Variants in RELN observed in about 807,000 individuals in gnomAD.
RELN encodes reelin.
A neutral mutation model predicts 427.6 loss-of-function variants in RELN; 108 were observed. The observed-to-expected ratio is 0.25, with a 90% CI of 0.22 to 0.30. The LOEUF (loss-of-function observed/expected upper bound fraction) is 0.30, where lower values mean the gene tolerates loss of function less well. RELN is among the 10% of genes least tolerant of loss of function. RELN has a pLI of 1.00. For missense variants in RELN, 3,715 were observed against 4,302.8 expected (o/e 0.86, Z 3.82); for synonymous variants, 1,524 against 1,513.4 (o/e 1.01, Z -0.16).
chr7:103,870,094 CA>C (rs1184618171), intron 2 of RELN, among the ~76,000 whole-genome samples: 26 of 152,142 alleles, frequency 1.7e-4, no homozygotes, highest in Admixed American at 9.2e-4. Flanking sequence ...TTTTTTATTA[CA>C]GTTTATTTTT....
At chr7:103,825,230 G>T (rs1307990431) in intron 3 of RELN, among the ~76,000 whole-genome samples, 1 of 152,016 alleles carries the variant, frequency 6.6e-6, no homozygotes, top group Non-Finnish European at 1.5e-5. Flanking sequence ...AAATCTTGTA[G>T]CAGGGAAGTG....
intron 45 of RELN, among the ~76,000 whole-genome samples, chr7:103,536,672 G>C (rs1019031380): frequency 6.6e-6 from 1 of 152,206 alleles, no homozygotes; most frequent in Non-Finnish European, 1.5e-5. Flanking sequence ...TTCTTGAAAT[G>C]TTCTTTTATT....
In RELN at chr7:103,539,232, G is replaced by A. The variant is rs768355148; in HGVS notation, c.7026C>T (p.Thr2342=). The change falls in exon 45 of 65, where the codon ACC becomes ACT. Residue 2342 remains threonine, a synonymous_variant. Transcript: ENST00000428762. ...CAGTAGAGCCACACACGGGCATCTTGGTGCCTCCTGGGTGAAGCAGCCATT... is the reference window on the plus strand; with the variant it reads ...CAGTAGAGCCACACACGGGCATCTTAGTGCCTCCTGGGTGAAGCAGCCATT... ...SRKWLLHPGG[T]KMPVCGSTGD... The A allele has an allele frequency of 6.2e-7, 1 of 1,614,232 alleles. No individual in the cohort carries two copies. The highest frequency in any genetic ancestry group is 1.1e-5 in the South Asian group (1 of 91,082).
At chr7:103,736,134 G>T (rs551757976) in intron 6 of RELN, among the ~76,000 whole-genome samples, 1 of 152,118 alleles carries the variant, frequency 6.6e-6, no homozygotes, top group African/African-American at 2.4e-5. Flanking sequence ...AGACCTTGCC[G>T]GCCATTTGGT....
Position 103,556,988 on chromosome 7 carries a change from G to C in RELN, c.5786C>G (p.Pro1929Arg), listed in dbSNP as rs749762422. The part of the protein sequence containing the change: ...TNATRFRLWQ[P>R]YNNGKKEEIW... Reference sequence around the variant, plus strand: ...ACATGCATTTTTACCGTTATTATAAGGTTGCCAGAGTCTGAATCTTGTAGC... The same window carrying C: ...ACATGCATTTTTACCGTTATTATAACGTTGCCAGAGTCTGAATCTTGTAGC... The change falls in exon 38 of 65, where the codon CCT becomes CGT. Residue 1929 changes from proline to arginine, a missense_variant. Around this residue, in one of 4 missense-constraint regions of RELN, gnomAD observed 1,310 missense variants for 1,643.0 expected, o/e 0.80. Transcript: ENST00000428762. The C allele has an allele frequency of 6.2e-7, 1 of 1,611,764 alleles. No individual in the cohort carries two copies. The highest frequency in any genetic ancestry group is 1.1e-5 in the South Asian group (1 of 91,030).
intron 1 of RELN, among the ~76,000 whole-genome samples, chr7:103,945,826 A>G (rs546990768): frequency 1.4e-4 from 21 of 152,166 alleles, no homozygotes; most frequent in African/African-American, 5.1e-4. Flanking sequence ...ACAAACATTT[A>G]CCATTATGTT....
intron 1 of RELN, among the ~76,000 whole-genome samples, chr7:103,931,652 C>T (rs1178220307): frequency 1.3e-5 from 2 of 152,224 alleles, no homozygotes; most frequent in Non-Finnish European, 2.9e-5. Context: ...TTCTATCTTG[C>T]TTTCCTGCCA....
chr7:103,770,860 G>A (rs986567448), intron 4 of RELN, among the ~76,000 whole-genome samples: 3 of 150,968 alleles, frequency 2.0e-5, no homozygotes, highest in African/African-American at 7.3e-5. Context: ...GCCTCAGGTG[G>A]TCTCGCCTCA....
chr7:103,868,318 C>T (rs969526286), intron 2 of RELN, among the ~76,000 whole-genome samples: 1 of 152,082 alleles, frequency 6.6e-6, no homozygotes, highest in African/African-American at 2.4e-5. Flanking sequence ...TTTTAGGCTT[C>T]CCAAACTCTA....
intron 1 of RELN, among the ~76,000 whole-genome samples, chr7:103,937,661 C>T (rs1271163130): frequency 1.3e-5 from 2 of 152,178 alleles, no homozygotes; most frequent in Non-Finnish European, 2.9e-5. Context: ...TCCAGGTACT[C>T]TCAACAACAC....
intron 16 of RELN, among the ~76,000 whole-genome samples, chr7:103,649,469 C>T (rs10953389): frequency 0.25 from 38,020 of 151,750 alleles, 4,863 homozygotes; most frequent in Middle Eastern, 0.41. Flanking sequence ...TGATAAATTA[C>T]GTTGTACTCT....
rs921958370 is a variant in RELN at position 103,989,054 on chromosome 7, A to T, written c.226+77T>A. 7.5e-7 allele frequency: 1 copy of T among 1,325,044 alleles called. No homozygotes were observed. Among genetic ancestry groups the T allele is most frequent in the Non-Finnish European group, 1.1e-6 (1 of 919,602 alleles). The allele number at this position is 1,325,044 out of a possible 1,614,324, so 82.1% of individuals were successfully genotyped here. A position where few individuals can be genotyped will look rare whatever the true frequency, so the allele number is the denominator to read the frequency against. On this transcript the variant is annotated intron_variant, in intron 1 of 64. Coordinates refer to ENST00000428762, the MANE Select transcript of RELN (RefSeq NM_005045.4). This position sits in a 1 kb window ranked among gnomAD's most constrained non-coding sequence, Gnocchi z 4.9. The stretch of plus-strand genomic sequence containing the variant: ...GGTTCTTGTTTCCAAGGCCCCTTGG[A>T]AGAAGGAAAGGGATGAGAAAGGTGC...
At chr7:103,801,782 T>G (rs752459021) in intron 3 of RELN, among the ~76,000 whole-genome samples, 6 of 151,730 alleles carry the variant, frequency 4.0e-5, no homozygotes, top group Admixed American at 6.6e-5. Flanking sequence ...ACCCACCTCA[T>G]AGGGTAATGG....
intron 64 of RELN, among the ~76,000 whole-genome samples, chr7:103,475,060 T>C (rs1827986503): frequency 6.6e-6 from 1 of 152,204 alleles, no homozygotes; most frequent in African/African-American, 2.4e-5. Context: ...CTTAATCTTA[T>C]TCTGCCCTTT....
chr7:103,749,819 C>T (rs1790949235), intron 5 of RELN, among the ~76,000 whole-genome samples: 1 of 152,160 alleles, frequency 6.6e-6, no homozygotes, highest in South Asian at 2.1e-4. Context: ...GACTTGTCTT[C>T]CTTCAGTATG....
rs76801826 is a variant in RELN at position 103,875,053 on chromosome 7, G to A, written c.338-41381C>T. ...GAATAGAGCCCTCAGAAATAACGCC[G>A]CATACCTACAACTATCTGATCTTTG... On this transcript the variant is annotated intron_variant, in intron 2 of 64. Transcript: ENST00000428762. Among the ~76,000 whole-genome samples, 140 of 137,560 alleles carry A rather than the reference G, an allele frequency of 1.0e-3. 8 individuals carry two copies. Among genetic ancestry groups the A allele is most frequent in the Admixed American group, 1.9e-3 (26 of 13,754 alleles). The allele number at this position is 137,560 out of a possible 152,430, so 90.2% of individuals were successfully genotyped here.
chr7:103,742,975 T>C lies in RELN; in HGVS notation c.656+6451A>G, dbSNP rs1039854583. Among the ~76,000 whole-genome samples the C allele has an allele frequency of 1.3e-4, 20 of 150,934 alleles. No individual in the cohort carries two copies. In the South Asian group the frequency reaches 4.0e-3, roughly 30 times the overall value. On this transcript the variant is annotated intron_variant, in intron 6 of 64. Coordinates refer to ENST00000428762, the MANE Select transcript of RELN (RefSeq NM_005045.4). ...CACATAATTGTCAGATTCACCAAAG[T>C]TGAAATAAAGGAAAAAATGTTAAGG...
chr7:103,548,854 C>CATGG (rs1250456298), intron 41 of RELN, among the ~76,000 whole-genome samples: 1 of 152,168 alleles, frequency 6.6e-6, no homozygotes, highest in Non-Finnish European at 1.5e-5. Context: ...ACTCCCCTGG[C>CATGG]ATGGACATCT....
chr7:103,815,588 A>G (rs1332729794), intron 3 of RELN, among the ~76,000 whole-genome samples: 1 of 152,250 alleles, frequency 6.6e-6, no homozygotes, highest in Non-Finnish European at 1.5e-5. Context: ...ATATTTAAAA[A>G]TAGAACTTCT....
Sources: gnomAD v4.1 joint callset for allele counts (sites outside exome capture counted in the v4.1 genomes callset) on GRCh38, gnomAD v4.1.1 for gene constraint, gnomAD v4.1.1 regional missense constraint, Gnocchi (gnomAD v3.1) non-coding constraint, MANE v1.5 for transcripts, NCBI Gene and HGNC (gene_info 2026-07-23, HGNC 2026-07-21) for gene names.